SLC6A14: variants seen among roughly 807,000 people sequenced by gnomAD.
SLC6A14 encodes sodium- and chloride-dependent neutral and basic amino acid transporter B(0+).
In SLC6A14, 21 loss-of-function variants were observed where a neutral mutation model predicts 51.4. The observed-to-expected ratio is 0.41, with a 90% CI of 0.29 to 0.59. The LOEUF is 0.59. SLC6A14 is among the 20% of genes least tolerant of loss of function. The pLI, the probability that SLC6A14 is intolerant of heterozygous loss-of-function variation, is 0.31. For synonymous variants in SLC6A14, 177 were observed against 160.7 expected, an observed-to-expected ratio of 1.10 and a Z score of -0.77; for missense variants, 371 against 472.8, an observed-to-expected ratio of 0.78 and a Z score of 2.00.
At position 116,443,682 on chromosome X, in the gene SLC6A14, A is replaced by G. The variant is rs1927644086; in HGVS notation, c.548A>G (p.Gln183Arg). The G allele has an allele frequency of 8.3e-7, 1 of 1,198,010 alleles. No homozygotes were observed. The highest frequency in any genetic ancestry group is 1.1e-6 in the Non-Finnish European group (1 of 886,023). ...CNVSTVNKGI[Q>R]EIIQMNKSWV... The stretch of plus-strand genomic sequence containing the variant: ...GTGAGTACAGTGAATAAAGGAATAC[A>G]AGAGATCATCCAAATGAATAAAAGC... Residue 183 changes from glutamine (Q) to arginine (R), a missense_variant, in exon 5 of 14, where the codon CAA becomes CGA. Gln to Arg is a conservative substitution (Grantham distance 43, BLOSUM62 1). Around this residue, in one of 2 missense-constraint regions of SLC6A14, gnomAD observed 277 missense variants for 391.8 expected, o/e 0.71. Coordinates refer to ENST00000598581, the MANE Select transcript of SLC6A14 (RefSeq NM_007231.5).
Position 116,437,714 on chromosome X carries a change from A to G in SLC6A14, c.49-76A>G, listed in dbSNP as rs1277302966. On this transcript the variant is annotated intron_variant, in intron 1 of 13. Transcript: ENST00000598581. The stretch of plus-strand genomic sequence containing the variant: ...TCTTCCCCCCATTTTCTGTTGCTCT[A>G]TGGATTTGTGAAATTATGCTTCTGT... The G allele has an allele frequency of 2.0e-5, 20 of 1,008,465 alleles. No individual in the cohort carries two copies. The East Asian group carries it at 2.2e-4, about 11-fold the overall frequency. 83.1% of individuals were successfully genotyped at this position (1,008,465 alleles called of 1,213,427 possible). A position where few individuals can be genotyped will look rare whatever the true frequency, so the allele number is the denominator to read the frequency against.
intron 9 of SLC6A14, among the ~76,000 whole-genome samples, chrX:116,453,857 A>T (rs1362675151): frequency 9.0e-6 from 1 of 111,050 alleles, no homozygotes; most frequent in Non-Finnish European, 1.9e-5. Context: ...TTTCTGGTTG[A>T]CTTTCAAAGT....
intron 6 of SLC6A14, among the ~76,000 whole-genome samples, chrX:116,445,997 G>A (rs1556693989): frequency 1.9e-5 from 2 of 107,920 alleles, no homozygotes; most frequent in African/African-American, 6.7e-5. Context: ...TCCTTTTGAT[G>A]TTAATATTGA....
chrX:116,451,763 T>A, intron 8 of SLC6A14, 93 bp downstream of exon 8: 5 of 508,241 alleles, frequency 9.8e-6, no homozygotes, highest in Non-Finnish European at 1.6e-5. Flanking sequence ...CTTGACACAG[T>A]CATGATTTAG....
chrX:116,453,239 T>C, intron 9 of SLC6A14, 97 bp downstream of exon 9: 1 of 679,840 alleles, frequency 1.5e-6, no homozygotes, highest in Non-Finnish European at 2.1e-6. Flanking sequence ...TATTACCCCC[T>C]CTAGCTGTTA....
intron 5 of SLC6A14, among the ~76,000 whole-genome samples, chrX:116,444,367 T>C (rs1006372258): frequency 8.1e-5 from 9 of 111,647 alleles, no homozygotes; most frequent in Admixed American, 4.8e-4. Context: ...TCTTTTAAAC[T>C]TTGGATCTTC....
At chrX:116,449,687 C>A in intron 7 of SLC6A14, among the ~76,000 whole-genome samples, 1 of 111,673 alleles carries the variant, frequency 9.0e-6, no homozygotes, top group Non-Finnish European at 1.9e-5. Flanking sequence ...ATTTATAATG[C>A]TGTACTAATT....
intron 9 of SLC6A14, among the ~76,000 whole-genome samples, chrX:116,453,572 G>A (rs1927865790): frequency 9.0e-6 from 1 of 111,141 alleles, no homozygotes; most frequent in Non-Finnish European, 1.9e-5. Context: ...TCTGAAAGTT[G>A]TTTTTGCATT....
rs1556695148 is a variant in SLC6A14, at chrX:116,461,050, G to C, written c.*2095G>C. The C allele has an allele frequency of 9.0e-6, 1 of 111,593 alleles. No homozygotes were observed. The highest frequency in any genetic ancestry group is 2.8e-4 in the East Asian group (1 of 3,549). 9.2% of individuals were successfully genotyped at this position (111,593 alleles called of 1,213,427 possible). A position where few individuals can be genotyped will look rare whatever the true frequency, so the allele number is the denominator to read the frequency against. On this transcript the variant is annotated 3_prime_UTR_variant, in exon 14 of 14. Transcript: ENST00000598581. Reference sequence around the variant, plus strand: ...TACATGCATTCTACCACTACATTTTGGTGCTATTTAAGGTGTGCAATTTTC... The same window carrying C: ...TACATGCATTCTACCACTACATTTTCGTGCTATTTAAGGTGTGCAATTTTC...
chrX:116,443,562 G>T, intron 4 of SLC6A14, 81 bp from the exon 5 acceptor site: 1 of 663,719 alleles, frequency 1.5e-6, no homozygotes, highest in Non-Finnish European at 2.1e-6. Context: ...ATTTAAATAT[G>T]TTACCATTAA....
chrX:116,443,590 T>C, intron 4 of SLC6A14, 53 bp from the exon 5 acceptor site: 1 of 843,702 alleles, frequency 1.2e-6, no homozygotes, highest in Non-Finnish European at 1.6e-6. Flanking sequence ...TCTAGGAAAG[T>C]AATCTTCTAA....
At chrX:116,446,709 A>G in intron 6 of SLC6A14, 32 bp from the exon 7 acceptor site, 6 of 1,120,398 alleles carry the variant, frequency 5.4e-6, no homozygotes, top group Non-Finnish European at 7.4e-6. Context: ...TTTAAAAATA[A>G]TTTACTAATT....
At chrX:116,444,794 T>C (rs1193388857) in intron 5 of SLC6A14, 124 bp from the exon 6 acceptor site, 33 of 690,242 alleles carry the variant, frequency 4.8e-5, no homozygotes, top group Admixed American at 1.5e-4. Context: ...CTCACCGAAC[T>C]TTGATATATT....
rs782086169 is a variant in SLC6A14, at chrX:116,444,926, C to T, written c.665C>T (p.Ala222Val). The T allele has an allele frequency of 8.2e-5, 99 of 1,207,249 alleles. 1 individual carries two copies. Among genetic ancestry groups the T allele is most frequent in the Admixed American group, 1.3e-4 (6 of 45,584 alleles). Reference sequence around the variant, plus strand: ...TGGCTTATGTGTTTCAGTAAAGTGGCGCTCCAACGGTCAAGTGGAATGAAT... The same window carrying T: ...TGGCTTATGTGTTTCAGTAAAGTGGTGCTCCAACGGTCAAGTGGAATGAAT... ...LPSEQYWNKV[A>V]LQRSSGMNET... Residue 222 changes from alanine to valine, a missense_variant, in exon 6 of 14, where the codon GCG becomes GTG. Physicochemically the swap from Ala to Val is moderately conservative, Grantham distance 64. Coordinates refer to ENST00000598581, the MANE Select transcript of SLC6A14 (RefSeq NM_007231.5).
At chrX:116,443,051 C>T (rs782290997) in intron 4 of SLC6A14, among the ~76,000 whole-genome samples, 2 of 110,428 alleles carry the variant, frequency 1.8e-5, no homozygotes, top group Admixed American at 1.9e-4. Flanking sequence ...TAAATCATGC[C>T]TAAGAGTACT....
chrX:116,453,708 C>T (rs1174844000), intron 9 of SLC6A14, among the ~76,000 whole-genome samples: 3 of 111,038 alleles, frequency 2.7e-5, no homozygotes, highest in African/African-American at 9.8e-5. Flanking sequence ...CTGCAATGAT[C>T]ATCCTTGCAC....
At chrX:116,454,935 C>A in intron 10 of SLC6A14, 42 bp from the exon 11 acceptor site, 1 of 945,628 alleles carries the variant, frequency 1.1e-6, no homozygotes, top group Non-Finnish European at 1.5e-6. Flanking sequence ...ATCATAAAAA[C>A]AATTAAAATA....
chrX:116,444,753 C>G (rs1452402961), intron 5 of SLC6A14, among the ~76,000 whole-genome samples, 165 bp from the exon 6 acceptor site: 3 of 110,724 alleles, frequency 2.7e-5, no homozygotes, highest in African/African-American at 6.6e-5. Context: ...CTATCTGTGC[C>G]CTTCGTATTG....
rs192251450 is a variant in SLC6A14, at chrX:116,460,402, G to A, written c.*1447G>A. ...AAGATGAAAGGAGTAAGAAATTAAG[G>A]CATTTGTTTAATTTATACTGGTAAC... On this transcript the variant is annotated 3_prime_UTR_variant, in exon 14 of 14. Transcript: ENST00000598581. 85 of 110,704 alleles carry A rather than the reference G, an allele frequency of 7.7e-4. No homozygotes were observed. Among genetic ancestry groups the A allele is most frequent in the African/African-American group, 2.7e-3 (81 of 30,435 alleles). 9.1% of individuals were successfully genotyped at this position (110,704 alleles called of 1,213,427 possible).
Sources: gnomAD v4.1 joint callset for allele counts (sites outside exome capture counted in the v4.1 genomes callset) on GRCh38, gnomAD v4.1.1 for gene constraint, gnomAD v4.1.1 regional missense constraint, MANE v1.5 for transcripts, NCBI Gene and HGNC (gene_info 2026-07-23, HGNC 2026-07-21) for gene names.